The following LYPD4 variants were observed in gnomAD, a reference collection of about 807,000 sequenced individuals.
LYPD4 encodes the protein ly6/PLAUR domain-containing protein 4.
A neutral mutation model predicts 18.2 loss-of-function variants in LYPD4; 20 were observed. That is an observed-to-expected ratio of 1.10 (90% CI 0.77 to 1.59). The LOEUF (loss-of-function observed/expected upper bound fraction) is 1.59. LYPD4 is among the 40% of genes most tolerant of loss of function. The pLI is 0.00. For synonymous variants in LYPD4, 111 were observed against 118.3 expected (o/e 0.94, Z 0.40); for missense variants, 278 against 300.3 (o/e 0.93, Z 0.55).
chr19:41,837,892 G>C, intron 4 of LYPD4, 43 bp downstream of exon 4: 1 of 1,528,584 alleles, frequency 6.5e-7, no homozygotes, highest in Non-Finnish European at 8.9e-7. Flanking sequence ...ACAATGCCTG[G>C]CAGAGAGTAG....
chr19:41,840,110 TCACACACAGACATAGACACAGACAGA>T (rs1441029907), intron 1 of LYPD4, among the ~76,000 whole-genome samples: 1 of 149,604 alleles, frequency 6.7e-6, no homozygotes, highest in Non-Finnish European at 1.5e-5. Flanking sequence ...ACACACACAT[TCACACACAGACATAGACACAGACAGA>T]CACACACATA....
chr19:41,838,666 G>A (rs1347814125), intron 3 of LYPD4, among the ~76,000 whole-genome samples: 2 of 151,774 alleles, frequency 1.3e-5, no homozygotes, highest in East Asian at 1.9e-4. Context: ...AGGCCAAGGT[G>A]GGCAGATCGC....
downstream of LYPD4, chr19:41,835,752 G>C: frequency 1.0e-6 from 1 of 984,538 alleles, no homozygotes; most frequent in Non-Finnish European, 1.2e-6. Flanking sequence ...CCTCGTGTCA[G>C]TCCCACTTCT....
chr19:41,839,385 C>T lies in LYPD4; in HGVS notation c.-100G>A. 1 of 1,137,140 alleles carries T rather than the reference C, an allele frequency of 8.8e-7. No homozygotes were observed. Among genetic ancestry groups the T allele is most frequent in the Non-Finnish European group, 1.3e-6 (1 of 755,494 alleles). The allele number at this position is 1,137,140 out of a possible 1,614,324, so 70.4% of individuals were successfully genotyped here. ...CATCAGTCCCCGAATTCTTTGTCCACCTGTCTCTGGGTCACTGTTTCTGGA... is the reference window on the plus strand; with the variant it reads ...CATCAGTCCCCGAATTCTTTGTCCATCTGTCTCTGGGTCACTGTTTCTGGA... On this transcript the variant is annotated 5_prime_UTR_variant, in exon 2 of 5. It adds an upstream start codon to the 5' untranslated region. Coordinates refer to ENST00000609812, the MANE Select transcript of LYPD4 (RefSeq NM_173506.7).
downstream of LYPD4, among the ~76,000 whole-genome samples, chr19:41,836,287 C>CAAAAAAAAA (rs531204341): frequency 2.5e-3 from 50 of 19,940 alleles, 16 homozygotes; most frequent in South Asian, 6.8e-3. Flanking sequence ...GCCAACTTAC[C>CAAAAAAAAA]AAAAAAAAAA....
intron 1 of LYPD4, among the ~76,000 whole-genome samples, chr19:41,841,629 G>A (rs2073595150): frequency 7.1e-6 from 1 of 140,960 alleles, no homozygotes; most frequent in Admixed American, 7.5e-5. Flanking sequence ...TCATGCCACT[G>A]CACTCCAGCC....
chr19:41,839,358 C>T lies in LYPD4; in HGVS notation c.-73G>A. ...TTCAGTCTGGATCCCAAGCTCAGTT[C>T]CCATCAGTCCCCGAATTCTTTGTCC... On this transcript the variant is annotated 5_prime_UTR_variant, in exon 2 of 5. Coordinates refer to ENST00000609812, the MANE Select transcript of LYPD4 (RefSeq NM_173506.7). The T allele has an allele frequency of 7.3e-7, 1 of 1,369,142 alleles. No homozygotes were observed. The highest frequency in any genetic ancestry group is 1.0e-6 in the Non-Finnish European group (1 of 959,184). 84.8% of individuals were successfully genotyped at this position (1,369,142 alleles called of 1,614,324 possible). A position where few individuals can be genotyped will look rare whatever the true frequency, so the allele number is the denominator to read the frequency against.
At position 41,839,701 on chromosome 19, in the gene LYPD4, T is replaced by C. The variant is rs1352383303; in HGVS notation, c.-120-296A>G. ...TGTGTTGTGTGTGTGTGTGTGTGTGTGTGTAAGTTAACATATCACTAAATA... is the reference window on the plus strand; with the variant it reads ...TGTGTTGTGTGTGTGTGTGTGTGTGCGTGTAAGTTAACATATCACTAAATA... On this transcript the variant is annotated intron_variant, in intron 1 of 4. Coordinates refer to ENST00000609812, the MANE Select transcript of LYPD4 (RefSeq NM_173506.7). 2.1e-5 allele frequency: 4 copies of C among 190,150 alleles called. No individual in the cohort carries two copies. The Admixed American group carries it at 2.2e-4, about 11-fold the overall frequency. The allele number at this position is 190,150 out of a possible 1,614,324, so 11.8% of individuals were successfully genotyped here. A position where few individuals can be genotyped will look rare whatever the true frequency, so the allele number is the denominator to read the frequency against.
Position 41,839,257 on chromosome 19 carries a change from T to C in LYPD4, c.29A>G (p.Gln10Arg), listed in dbSNP as rs782425026. ...GATGGCCCCTAGAAGGCAGAACAGC[T>C]GCACAAGTCTCAAATGCTGGGGTCC... MGPQHLRLV[Q>R]LFCLLGAIST... is the part of the protein sequence containing the mutation. The change falls in exon 2 of 5, where the codon CAG (glutamine) becomes CGG (arginine). Residue 10 changes from glutamine to arginine, a missense_variant. Coordinates refer to ENST00000609812, the MANE Select transcript of LYPD4 (RefSeq NM_173506.7). The C allele has an allele frequency of 2.5e-6, 4 of 1,614,056 alleles. No homozygotes were observed. The highest frequency in any genetic ancestry group is 3.4e-6 in the Non-Finnish European group (4 of 1,180,030).
At position 41,837,359 on chromosome 19, in the gene LYPD4, A is replaced by T. The variant is rs2073400382; in HGVS notation, c.539-14T>A. Reference sequence around the variant, plus strand: ...TATTGAGAAACCCTGTAAGGAAGAGAGGGAGAAGTCAGGAACACTTTCAAG... The same window carrying T: ...TATTGAGAAACCCTGTAAGGAAGAGTGGGAGAAGTCAGGAACACTTTCAAG... On this transcript the variant is annotated splice_polypyrimidine_tract_variant and intron_variant, in intron 4 of 4. Transcript: ENST00000609812. The T allele has an allele frequency of 6.2e-7, 1 of 1,613,590 alleles. No individual in the cohort carries two copies. The highest frequency in any genetic ancestry group is 2.2e-5 in the East Asian group (1 of 44,876).
At chr19:41,836,734 C>T (rs1467984884), downstream of LYPD4, among the ~76,000 whole-genome samples, 1 of 139,110 alleles carries the variant, frequency 7.2e-6, no homozygotes, top group Non-Finnish European at 1.6e-5. Flanking sequence ...ACCCCCATGT[C>T]AAAAAAAGGA....
intron 1 of LYPD4, among the ~76,000 whole-genome samples, chr19:41,841,665 CAAAAAAAAA>C (rs587607752): frequency 1.2e-5 from 1 of 85,574 alleles, no homozygotes; most frequent in Non-Finnish European, 2.3e-5. Flanking sequence ...GACCCTGTCT[CAAAAAAAAA>C]AAAAAAAAAA....
At chr19:41,836,170 T>C (rs537784856), downstream of LYPD4, among the ~76,000 whole-genome samples, 1 of 151,008 alleles carries the variant, frequency 6.6e-6, no homozygotes, top group Non-Finnish European at 1.5e-5. Context: ...TGCCCCCTTA[T>C]GGCCAGAGAA....
At chr19:41,841,189 T>C (rs2073576035) in intron 1 of LYPD4, among the ~76,000 whole-genome samples, 1 of 152,124 alleles carries the variant, frequency 6.6e-6, no homozygotes, top group East Asian at 1.9e-4. Context: ...CCCAGTGCTT[T>C]GGGAGGCTGA....
chr19:41,839,095 G>A, intron 2 of LYPD4, 71 bp from the exon 3 acceptor site: 1 of 1,609,060 alleles, frequency 6.2e-7, no homozygotes, highest in South Asian at 1.1e-5. Context: ...TGCCAACCAA[G>A]AGTTCAGCCC....
In LYPD4 at chr19:41,837,361, G is replaced by A. The variant is rs782597875; in HGVS notation, c.539-16C>T. The stretch of plus-strand genomic sequence containing the variant: ...TTGAGAAACCCTGTAAGGAAGAGAG[G>A]GAGAAGTCAGGAACACTTTCAAGAC... On this transcript the variant is annotated splice_polypyrimidine_tract_variant and intron_variant, in intron 4 of 4. Coordinates refer to ENST00000609812, the MANE Select transcript of LYPD4 (RefSeq NM_173506.7). 9.3e-6 allele frequency: 15 copies of A among 1,613,564 alleles called. No individual in the cohort carries two copies. The highest frequency in any genetic ancestry group is 1.3e-5 in the Non-Finnish European group (15 of 1,179,706).
chr19:41,843,063 AAAAAAAAAAAAAAAC>A lies in LYPD4; in HGVS notation c.-121+500_-121+514del, dbSNP rs2073684744. Among the ~76,000 whole-genome samples, 266 of 45,658 alleles carry A rather than the reference AAAAAAAAAAAAAAAC, an allele frequency of 5.8e-3. 54 individuals carry two copies. The highest frequency in any genetic ancestry group is 0.013 in the Admixed American group (43 of 3,246). 30.0% of individuals were successfully genotyped at this position (45,658 alleles called of 152,430 possible). A position where few individuals can be genotyped will look rare whatever the true frequency, so the allele number is the denominator to read the frequency against. The stretch of plus-strand genomic sequence containing the variant: ...AAAAAAAAAAAAAAAAAAAAAAAAA[AAAAAAAAAAAAAAAC>A]CCCAACAACAACACTACACACATCC... On this transcript the variant is annotated intron_variant, in intron 1 of 4. Transcript: ENST00000609812.
At position 41,837,359 on chromosome 19, in the gene LYPD4, AG is replaced by A; in HGVS notation, c.539-15del. ...TATTGAGAAACCCTGTAAGGAAGAG[AG>A]GGAGAAGTCAGGAACACTTTCAAGA... On this transcript the variant is annotated splice_polypyrimidine_tract_variant and intron_variant, in intron 4 of 4. Transcript: ENST00000609812. 1 of 1,613,708 alleles carries A rather than the reference AG, an allele frequency of 6.2e-7. No homozygotes were observed. Among genetic ancestry groups the A allele is most frequent in the Non-Finnish European group, 8.5e-7 (1 of 1,179,750 alleles).
At chr19:41,835,952 A>G, downstream of LYPD4, 1 of 393,472 alleles carries the variant, frequency 2.5e-6, no homozygotes, top group South Asian at 1.0e-4. Flanking sequence ...CCTAACCCAC[A>G]GTAAAGGTAC....
Sources: gnomAD v4.1 joint callset for allele counts (sites outside exome capture counted in the v4.1 genomes callset) on GRCh38, gnomAD v4.1.1 for gene constraint, MANE v1.5 for transcripts, NCBI Gene and HGNC (gene_info 2026-07-23, HGNC 2026-07-21) for gene names.